Variants in TMEM255B observed in about 807,000 individuals in gnomAD.
TMEM255B encodes the protein transmembrane protein 255B.
Under a neutral mutation model 34.5 loss-of-function variants are expected in TMEM255B, and 35 were observed. The ratio of observed to expected loss-of-function variants is 1.01; its 90% CI spans 0.77 to 1.34. TMEM255B has a LOEUF of 1.34. Among genes scored for constraint, TMEM255B ranks in the 40% most tolerant of loss-of-function variants. TMEM255B has a pLI of 0.00. For missense variants in TMEM255B, 432 were observed against 433.2 expected, an observed-to-expected ratio of 1.00 and a Z score of 0.02; for synonymous variants, 206 against 201.2, an observed-to-expected ratio of 1.02 and a Z score of -0.20.
At chr13:113,784,197 T>A (rs1290136933) in intron 3 of TMEM255B, among the ~76,000 whole-genome samples, 1 of 152,206 alleles carries the variant, frequency 6.6e-6, no homozygotes, top group East Asian at 1.9e-4. Context: ...TGGGCACCCA[T>A]GTGAGCTGGT....
intron 5 of TMEM255B, 129 bp downstream of exon 5, chr13:113,799,548 G>A: frequency 1.2e-6 from 1 of 834,294 alleles, no homozygotes; most frequent in Non-Finnish European, 1.9e-6. Flanking sequence ...CACCCCTGCA[G>A]CTGGTGAACC....
At chr13:113,793,057 G>C (rs1290147640) in intron 3 of TMEM255B, among the ~76,000 whole-genome samples, 2 of 152,242 alleles carry the variant, frequency 1.3e-5, no homozygotes, top group African/African-American at 4.8e-5. Flanking sequence ...GTCCAGCCCA[G>C]CAGTTCAGAG....
chr13:113,811,934 G>GTT lies in TMEM255B; in HGVS notation c.*41_*42dup, dbSNP rs374564555. The GTT allele has an allele frequency of 9.5e-6, 13 of 1,364,038 alleles. No homozygotes were observed. Among genetic ancestry groups the GTT allele is most frequent in the African/African-American group, 1.5e-5 (1 of 66,648 alleles). 84.5% of individuals were successfully genotyped at this position (1,364,038 alleles called of 1,614,324 possible). A position where few individuals can be genotyped will look rare whatever the true frequency, so the allele number is the denominator to read the frequency against. ...GCGTGGAGTAAAAGATAACTTGTTTGTTTTTTTTTTTAAAAAAAAGGCAGC... is the reference window on the plus strand; with the variant it reads ...GCGTGGAGTAAAAGATAACTTGTTTGTTTTTTTTTTTTTAAAAAAAAGGCAGC... On this transcript the variant is annotated 3_prime_UTR_variant, in exon 9 of 9. Transcript: ENST00000375353.
Position 113,812,960 on chromosome 13 carries a change from C to CAGGACAGGTCTCAGGT in TMEM255B, c.*1057_*1058insAGGACAGGTCTCAGGT, listed in dbSNP as rs1566342142. On this transcript the variant is annotated 3_prime_UTR_variant, in exon 9 of 9. Coordinates refer to ENST00000375353, the MANE Select transcript of TMEM255B (RefSeq NM_182614.4). Reference sequence around the variant, plus strand: ...TGGGTCACGGGTCCCGGGTGGGTCACGGGCCCCGGGTGGGTCACGGGTCCC... The same window carrying CAGGACAGGTCTCAGGT: ...TGGGTCACGGGTCCCGGGTGGGTCACAGGACAGGTCTCAGGTGGGCCCCGGGTGGGTCACGGGTCCC... 4.1e-5 allele frequency: 6 copies of CAGGACAGGTCTCAGGT among 146,340 alleles called. No homozygotes were observed. The highest frequency in any genetic ancestry group is 1.3e-4 in the African/African-American group (5 of 38,662). The allele number at this position is 146,340 out of a possible 1,614,324, so 9.1% of individuals were successfully genotyped here.
At chr13:113,785,380 G>T (rs554972768) in intron 3 of TMEM255B, among the ~76,000 whole-genome samples, 1 of 152,330 alleles carries the variant, frequency 6.6e-6, no homozygotes, top group East Asian at 1.9e-4. Flanking sequence ...GCAAAACACT[G>T]CAGGGCAGAG....
chr13:113,790,964 C>T (rs1283845180), intron 3 of TMEM255B, among the ~76,000 whole-genome samples: 4 of 152,220 alleles, frequency 2.6e-5, no homozygotes, highest in African/African-American at 7.2e-5. Context: ...GGGACATCTG[C>T]GAGGACGTTC....
intron 3 of TMEM255B, among the ~76,000 whole-genome samples, chr13:113,794,700 G>A (rs552571961): frequency 3.1e-4 from 47 of 152,314 alleles, no homozygotes; most frequent in Middle Eastern, 6.8e-3. Flanking sequence ...GTTAACTAAC[G>A]CACTATAAAC....
At chr13:113,780,941 C>T (rs2050657116) in intron 3 of TMEM255B, among the ~76,000 whole-genome samples, 1 of 152,104 alleles carries the variant, frequency 6.6e-6, no homozygotes, top group Non-Finnish European at 1.5e-5. Flanking sequence ...AGAAGTCTCC[C>T]ATAACTTTGG....
intron 3 of TMEM255B, among the ~76,000 whole-genome samples, chr13:113,778,847 C>T (rs983945682): frequency 3.9e-5 from 6 of 152,166 alleles, no homozygotes; most frequent in South Asian, 2.1e-4. Flanking sequence ...GAAACTGACC[C>T]GTAGAGAAAC....
chr13:113,774,552 CCA>C (rs1040088275), intron 3 of TMEM255B, among the ~76,000 whole-genome samples: 44 of 147,446 alleles, frequency 3.0e-4, no homozygotes, highest in East Asian at 1.0e-3. Flanking sequence ...ATGCCACACA[CCA>C]CACACACACA....
chr13:113,767,447 C>T (rs928498629), intron 2 of TMEM255B, among the ~76,000 whole-genome samples: 2 of 152,232 alleles, frequency 1.3e-5, no homozygotes, highest in Non-Finnish European at 1.5e-5. Flanking sequence ...TGAGGAGGGA[C>T]CTCCAAGTGA....
rs978865321 is a variant in TMEM255B, at chr13:113,795,063, C to T, written c.253-85C>T. The T allele has an allele frequency of 1.1e-5, 14 of 1,293,528 alleles. No individual in the cohort carries two copies. In the African/African-American group the frequency reaches 1.6e-4, roughly 15 times the overall value. The allele number at this position is 1,293,528 out of a possible 1,614,324, so 80.1% of individuals were successfully genotyped here. A position where few individuals can be genotyped will look rare whatever the true frequency, so the allele number is the denominator to read the frequency against. On this transcript the variant is annotated intron_variant, in intron 3 of 8. Coordinates refer to ENST00000375353, the MANE Select transcript of TMEM255B (RefSeq NM_182614.4). The stretch of plus-strand genomic sequence containing the variant: ...GGCAGTTCTGTGAAAGAAGCCCCGA[C>T]CTCGAGCTGGGACTTTGAATTGGTT...
At chr13:113,791,784 G>A (rs2050836723) in intron 3 of TMEM255B, among the ~76,000 whole-genome samples, 1 of 152,248 alleles carries the variant, frequency 6.6e-6, no homozygotes, top group Non-Finnish European at 1.5e-5. Context: ...CTTTGGTTGG[G>A]AATTGTGCCC....
At chr13:113,800,355 C>G (rs974450289) in intron 5 of TMEM255B, among the ~76,000 whole-genome samples, 1 of 129,862 alleles carries the variant, frequency 7.7e-6, no homozygotes, top group Non-Finnish European at 1.6e-5. Flanking sequence ...GGGGGTGTCC[C>G]CTGGCCAGGG....
At chr13:113,807,524 G>A (rs7988165) in intron 8 of TMEM255B, among the ~76,000 whole-genome samples, 4,431 of 123,466 alleles carry the variant, frequency 0.036, 437 homozygotes, top group African/African-American at 0.15. Context: ...CCTGTCACAC[G>A]CAGGCTTACG....
chr13:113,776,868 C>G (rs1014584830), intron 3 of TMEM255B, among the ~76,000 whole-genome samples: 1 of 152,118 alleles, frequency 6.6e-6, no homozygotes, highest in Middle Eastern at 3.2e-3. Context: ...AGAGCTACAC[C>G]CCATGCTGAG....
At position 113,769,133 on chromosome 13, in the gene TMEM255B, C is replaced by T. The variant is rs1339349326; in HGVS notation, c.225C>T (p.Ile75=). 3.1e-6 allele frequency: 5 copies of T among 1,614,076 alleles called. No homozygotes were observed. The highest frequency in any genetic ancestry group is 3.4e-6 in the Non-Finnish European group (4 of 1,180,036). Reference sequence around the variant, plus strand: ...GATCTTTCTTAGGAATTATTGGCATCAACTTGGTGGAGAATAGAAGGCAAA... The same window carrying T: ...GATCTTTCTTAGGAATTATTGGCATTAACTTGGTGGAGAATAGAAGGCAAA... ...GFGSFLGIIG[I]NLVENRRQML... is the part of the protein sequence containing the mutation. The change falls in exon 3 of 9, where the codon ATC becomes ATT. Residue 75 remains isoleucine, a synonymous_variant. Coordinates refer to ENST00000375353, the MANE Select transcript of TMEM255B (RefSeq NM_182614.4). The surrounding 1 kb of genome is among the most constrained non-coding windows in gnomAD (Gnocchi z 4.2).
At chr13:113,777,515 C>T (rs901742105) in intron 3 of TMEM255B, among the ~76,000 whole-genome samples, 1 of 152,162 alleles carries the variant, frequency 6.6e-6, no homozygotes, top group African/African-American at 2.4e-5. Flanking sequence ...GCGGTGGCCC[C>T]GGCTGTGTCT....
At chr13:113,809,098 C>T (rs1459656965) in intron 8 of TMEM255B, among the ~76,000 whole-genome samples, 5 of 102,918 alleles carry the variant, frequency 4.9e-5, no homozygotes, top group South Asian at 3.3e-4. Flanking sequence ...GGGTTTACTC[C>T]ATGGTTCCCG....
Sources: gnomAD v4.1 joint callset for allele counts (sites outside exome capture counted in the v4.1 genomes callset) on GRCh38, gnomAD v4.1.1 for gene constraint, Gnocchi (gnomAD v3.1) non-coding constraint, MANE v1.5 for transcripts, NCBI Gene and HGNC (gene_info 2026-07-23, HGNC 2026-07-21) for gene names.